The following SV2C variants were observed in gnomAD, a reference collection of about 807,000 sequenced individuals.
The protein encoded by SV2C is synaptic vesicle glycoprotein 2C.
A neutral mutation model predicts 79.7 loss-of-function variants in SV2C; 49 were observed. That is an observed-to-expected ratio of 0.61 (90% CI 0.49 to 0.78). SV2C has a LOEUF of 0.78. Ranked by LOEUF, SV2C falls within the 30% of genes least tolerant of loss-of-function variation. SV2C has a pLI of 0.00. For synonymous variants in SV2C, 334 were observed against 333.2 expected (o/e 1.00, Z -0.03); for missense variants, 833 against 912.9 (o/e 0.91, Z 1.13).
chr5:76,191,611 A>G (rs1187287693), intron 2 of SV2C, among the ~76,000 whole-genome samples: 1 of 152,220 alleles, frequency 6.6e-6, no homozygotes. Context: ...CAGCTTAGCA[A>G]AGAGACAGAA....
intron 9 of SV2C, 122 bp downstream of exon 9, chr5:76,296,064 C>A: frequency 1.1e-6 from 1 of 909,196 alleles, no homozygotes; most frequent in Non-Finnish European, 1.6e-6. Context: ...TACATTTAGT[C>A]ATTTTCATGA....
intron 1 of SV2C, among the ~76,000 whole-genome samples, chr5:76,096,558 C>T (rs1244871194): frequency 6.6e-6 from 1 of 152,064 alleles, no homozygotes; most frequent in African/African-American, 2.4e-5. Flanking sequence ...TAATAAATTA[C>T]CCAGTTCATG....
intron 4 of SV2C, among the ~76,000 whole-genome samples, chr5:76,253,707 G>GTAA (rs1746180973): frequency 2.2e-5 from 1 of 44,804 alleles, no homozygotes; most frequent in Admixed American, 2.4e-4. Context: ...TCCTCCCTAA[G>GTAA]GAAAAAAAAA....
rs57910684 is a variant in SV2C at position 76,150,626 on chromosome 5, C to CTTTTT, written c.580+18321_580+18325dup. On this transcript the variant is annotated intron_variant, in intron 2 of 12. Transcript: ENST00000502798. ...TATTCGTCTGTTTATTCATCAAATT[C>CTTTTT]TTTTTTTTTTTTTTTTTTTTTTTTT... 1.0e-3 allele frequency among the ~76,000 whole-genome samples: 59 copies of CTTTTT among 56,496 alleles called. 10 individuals are homozygous for CTTTTT. The East Asian group carries it at 0.012, about 11-fold the overall frequency. The allele number at this position is 56,496 out of a possible 152,430, so 37.1% of individuals were successfully genotyped here.
At chr5:76,192,536 C>T (rs1744135907) in intron 2 of SV2C, among the ~76,000 whole-genome samples, 1 of 152,176 alleles carries the variant, frequency 6.6e-6, no homozygotes, top group South Asian at 2.1e-4. Flanking sequence ...CCCGTTATAA[C>T]ACTGTGAATA....
rs148274993 is a variant in SV2C at position 76,093,305 on chromosome 5, C to T, written c.-102+9793C>T. On this transcript the variant is annotated intron_variant, in intron 1 of 12. Coordinates refer to ENST00000502798, the MANE Select transcript of SV2C (RefSeq NM_014979.4). ...CTGCTCTGAATTCCATTGTTCCCTG[C>T]GCAAGGTCTGAGAAGCTGCTTGGCA... Among the ~76,000 whole-genome samples the T allele has an allele frequency of 4.1e-3, 625 of 152,260 alleles. 2 individuals are homozygous for T. Among genetic ancestry groups the T allele is most frequent in the Non-Finnish European group, 5.6e-3 (379 of 68,012 alleles).
chr5:75,859,019 T>C, the SV2C span, among the ~76,000 whole-genome samples: 1 of 152,128 alleles, frequency 6.6e-6, no homozygotes, highest in Non-Finnish European at 1.5e-5. Flanking sequence ...TCAATTTTGT[T>C]TATCTTTCCA....
chr5:76,043,875 C>A, the SV2C span, among the ~76,000 whole-genome samples: 1 of 151,876 alleles, frequency 6.6e-6, no homozygotes, highest in Non-Finnish European at 1.5e-5. Flanking sequence ...ACTTTTATTC[C>A]TCCTTATTTC....
chr5:75,871,828 TATATATAC>T, the SV2C span, among the ~76,000 whole-genome samples: 400 of 118,640 alleles, frequency 3.4e-3, no homozygotes, highest in African/African-American at 0.013. Context: ...TATATATATA[TATATATAC>T]ACACACACAC....
chr5:76,343,678 C>T (rs375261533), intron 12 of SV2C, among the ~76,000 whole-genome samples: 1 of 152,188 alleles, frequency 6.6e-6, no homozygotes, highest in Admixed American at 6.5e-5. Flanking sequence ...TGCATAATTC[C>T]TCTTGGTATA....
At chr5:76,151,870 T>C (rs1324910383) in intron 2 of SV2C, among the ~76,000 whole-genome samples, 2 of 152,116 alleles carry the variant, frequency 1.3e-5, no homozygotes, top group African/African-American at 4.8e-5. Flanking sequence ...AAGAGGAAGC[T>C]GTCCAGGAAG....
intron 2 of SV2C, among the ~76,000 whole-genome samples, chr5:76,159,890 A>T (rs192533289): frequency 3.6e-4 from 55 of 152,234 alleles, no homozygotes; most frequent in African/African-American, 1.0e-3. Context: ...ACAAGATACA[A>T]AATTAATTAC....
intron 8 of SV2C, among the ~76,000 whole-genome samples, chr5:76,294,294 T>TTC (rs200506393): frequency 6.1e-4 from 88 of 143,334 alleles, no homozygotes; most frequent in Non-Finnish European, 8.3e-4. Flanking sequence ...GTTTCATTCA[T>TTC]TCTCTCTCTC....
the SV2C span, among the ~76,000 whole-genome samples, chr5:75,854,679 A>G: frequency 2.6e-5 from 4 of 152,102 alleles, no homozygotes; most frequent in Non-Finnish European, 4.4e-5. Flanking sequence ...TAACATTTTC[A>G]TAATGGTATC....
At chr5:76,353,307 G>T in exon 13 of SV2C, 1 of 243,626 alleles carries the variant, frequency 4.1e-6, no homozygotes, top group Non-Finnish European at 8.5e-6. Context: ...ACAAGGTCTT[G>T]CTAAGAACTT....
chr5:76,131,446 A>G (rs1250989484), intron 1 of SV2C, among the ~76,000 whole-genome samples: 1 of 151,860 alleles, frequency 6.6e-6, no homozygotes, highest in Non-Finnish European at 1.5e-5. Context: ...AAAACCCTAA[A>G]TACTCCAAGT....
chr5:75,888,331 T>TTA, the SV2C span, among the ~76,000 whole-genome samples: 30 of 148,354 alleles, frequency 2.0e-4, no homozygotes, highest in African/African-American at 7.1e-4. Context: ...CCTTGCTTTT[T>TTA]AAAAAAAAAA....
the SV2C span, among the ~76,000 whole-genome samples, chr5:76,036,397 C>T: frequency 6.6e-6 from 1 of 152,056 alleles, no homozygotes; most frequent in East Asian, 1.9e-4. Context: ...TTTTCCCTTC[C>T]ATGTTTAGTG....
chr5:75,882,721 C>T, the SV2C span, among the ~76,000 whole-genome samples: 2 of 151,882 alleles, frequency 1.3e-5, no homozygotes, highest in African/African-American at 4.8e-5. Context: ...AACTGGATCC[C>T]TTCCTTACAC....
Sources: gnomAD v4.1 joint callset for allele counts (sites outside exome capture counted in the v4.1 genomes callset) on GRCh38, gnomAD v4.1.1 for gene constraint, MANE v1.5 for transcripts, NCBI Gene and HGNC (gene_info 2026-07-23, HGNC 2026-07-21) for gene names.